Variants in LCLAT1 observed in about 807,000 individuals in gnomAD.
LCLAT1 encodes lysocardiolipin acyltransferase 1.
Under a neutral mutation model 30.7 loss-of-function variants are expected in LCLAT1, and 11 were observed. The observed-to-expected ratio is 0.36, with a 90% CI of 0.23 to 0.59. The LOEUF is 0.59. Among genes scored for constraint, LCLAT1 ranks in the 20% least tolerant of loss-of-function variants. The probability of loss-of-function intolerance (pLI) is 0.77; values close to 1 mark genes in which losing one functional copy is unlikely to be tolerated. For missense variants in LCLAT1, 402 were observed against 458.6 expected, an observed-to-expected ratio of 0.88 and a Z score of 1.13; for synonymous variants, 155 against 151.3, an observed-to-expected ratio of 1.02 and a Z score of -0.18.
At chr2:30,538,330 G>C (rs1663906420) in intron 3 of LCLAT1, among the ~76,000 whole-genome samples, 1 of 152,138 alleles carries the variant, frequency 6.6e-6, no homozygotes, top group African/African-American at 2.4e-5. Flanking sequence ...CCATTAGTTA[G>C]ACTAAGTAAC....
intron 1 of LCLAT1, among the ~76,000 whole-genome samples, chr2:30,494,635 T>C (rs1684011101): frequency 6.6e-6 from 1 of 151,856 alleles, no homozygotes; most frequent in African/African-American, 2.4e-5. Context: ...TGTAAGTGTG[T>C]GTATGGGGAT....
chr2:30,524,714 A>G (rs1042892712), intron 1 of LCLAT1, among the ~76,000 whole-genome samples: 4 of 151,936 alleles, frequency 2.6e-5, no homozygotes, highest in African/African-American at 9.7e-5. Context: ...CTGTCGAGGT[A>G]TAGCAGTGCT....
chr2:30,536,858 C>T (rs1446144161), intron 3 of LCLAT1, among the ~76,000 whole-genome samples: 1 of 152,142 alleles, frequency 6.6e-6, no homozygotes, highest in Non-Finnish European at 1.5e-5. Flanking sequence ...TAAGTCCTCA[C>T]CTATTAATAA....
intron 5 of LCLAT1, among the ~76,000 whole-genome samples, chr2:30,588,954 A>G (rs986822394): frequency 6.6e-6 from 1 of 152,210 alleles, no homozygotes; most frequent in Admixed American, 6.5e-5. Flanking sequence ...ACACAATGAA[A>G]TCCAGTCAAA....
At chr2:30,586,812 A>G (rs1666463508) in intron 5 of LCLAT1, among the ~76,000 whole-genome samples, 1 of 152,148 alleles carries the variant, frequency 6.6e-6, no homozygotes, top group Admixed American at 6.5e-5. Flanking sequence ...TATTGTTCAA[A>G]TGTCTTTAGT....
chr2:30,603,769 A>C (rs1465524642), intron 5 of LCLAT1, among the ~76,000 whole-genome samples: 2 of 152,180 alleles, frequency 1.3e-5, no homozygotes, highest in Non-Finnish European at 2.9e-5. Flanking sequence ...TGATCAGAGT[A>C]GGGACATGAA....
chr2:30,514,571 G>A (rs1354599649), intron 1 of LCLAT1, among the ~76,000 whole-genome samples: 1 of 152,144 alleles, frequency 6.6e-6, no homozygotes, highest in Non-Finnish European at 1.5e-5. Context: ...GTTCCTGATA[G>A]GTATTCGGTG....
At chr2:30,486,083 G>T (rs1049943098) in intron 1 of LCLAT1, among the ~76,000 whole-genome samples, 3 of 152,022 alleles carry the variant, frequency 2.0e-5, no homozygotes, top group Admixed American at 6.6e-5. Flanking sequence ...AATTTCCAAA[G>T]CAATACAGGC....
chr2:30,523,193 TTGC>T (rs1685558348), intron 1 of LCLAT1, among the ~76,000 whole-genome samples: 1 of 151,376 alleles, frequency 6.6e-6, no homozygotes, highest in African/African-American at 2.4e-5. Flanking sequence ...AGCAGCAGCG[TTGC>T]AGGACTGGGG....
intron 5 of LCLAT1, among the ~76,000 whole-genome samples, chr2:30,616,248 C>G (rs532430114): frequency 6.6e-6 from 1 of 152,146 alleles, no homozygotes; most frequent in African/African-American, 2.4e-5. Flanking sequence ...GATGTTTAAA[C>G]CAGTTTCCAA....
At chr2:30,504,222 T>A (rs1260770255) in intron 1 of LCLAT1, among the ~76,000 whole-genome samples, 2 of 152,110 alleles carry the variant, frequency 1.3e-5, no homozygotes, top group African/African-American at 4.8e-5. Context: ...TAACATATAT[T>A]ACATGTAACA....
chr2:30,494,556 A>T (rs995415027), intron 1 of LCLAT1, among the ~76,000 whole-genome samples: 30 of 49,292 alleles, frequency 6.1e-4, no homozygotes, highest in African/African-American at 1.6e-3. Flanking sequence ...ACACACACGC[A>T]TACGTGCATA....
intron 1 of LCLAT1, among the ~76,000 whole-genome samples, chr2:30,479,791 G>A (rs1401823285): frequency 6.6e-6 from 1 of 152,152 alleles, no homozygotes; most frequent in Non-Finnish European, 1.5e-5. Flanking sequence ...AAGGCTGAAA[G>A]TATGTACCAA....
intron 5 of LCLAT1, among the ~76,000 whole-genome samples, chr2:30,590,693 A>C (rs2148477624): frequency 6.6e-6 from 1 of 152,046 alleles, no homozygotes; most frequent in East Asian, 1.9e-4. Flanking sequence ...TAAGAGTTTC[A>C]GAAACTAATT....
rs568248997 is a variant in LCLAT1 at position 30,640,315 on chromosome 2, G to A, written c.827G>A (p.Arg276Lys). Residue 276 changes from arginine to lysine, a missense_variant, in exon 6 of 6, where the codon AGG becomes AAG. Transcript: ENST00000379509. ...CHKRWEEKEERLRSFYQGEKN... is the reference protein window; with the variant it reads ...CHKRWEEKEEKLRSFYQGEKN... ...AAACGGTGGGAAGAGAAAGAAGAGA[G>A]GCTGCGTTCCTTCTATCAAGGGGAG... 42 of 1,614,214 alleles carry A rather than the reference G, an allele frequency of 2.6e-5. 1 individual carries two copies. The South Asian group carries it at 4.1e-4, about 16-fold the overall frequency.
intron 1 of LCLAT1, among the ~76,000 whole-genome samples, chr2:30,492,083 G>A (rs537712515): frequency 6.6e-6 from 1 of 152,168 alleles, no homozygotes; most frequent in Non-Finnish European, 1.5e-5. Flanking sequence ...TATTTAACTT[G>A]TAGCCTAAAA....
intron 4 of LCLAT1, among the ~76,000 whole-genome samples, chr2:30,567,038 A>G (rs7591110): frequency 0.88 from 133,502 of 152,218 alleles, 58,945 homozygotes; most frequent in African/African-American, 0.97. Context: ...AAATTATTGG[A>G]TTTTAAAGAA....
At chr2:30,636,269 C>A (rs1480731551) in intron 5 of LCLAT1, among the ~76,000 whole-genome samples, 1 of 152,150 alleles carries the variant, frequency 6.6e-6, no homozygotes, top group African/African-American at 2.4e-5. Context: ...CTCTAATTGG[C>A]ATTCTCAGCA....
At chr2:30,635,891 T>C (rs997940443) in intron 5 of LCLAT1, among the ~76,000 whole-genome samples, 4 of 152,230 alleles carry the variant, frequency 2.6e-5, no homozygotes, top group Non-Finnish European at 4.4e-5. Flanking sequence ...GGTCAACTAC[T>C]CATTTCTAGA....
Sources: gnomAD v4.1 joint callset for allele counts (sites outside exome capture counted in the v4.1 genomes callset) on GRCh38, gnomAD v4.1.1 for gene constraint, MANE v1.5 for transcripts, NCBI Gene and HGNC (gene_info 2026-07-23, HGNC 2026-07-21) for gene names.